The following MLLT1 variants were observed in gnomAD, a reference collection of about 807,000 sequenced individuals.
MLLT1 encodes MLLT1 super elongation complex subunit, also known as protein ENL.
Under a neutral mutation model 55.1 loss-of-function variants are expected in MLLT1, and 11 were observed. That is an observed-to-expected ratio of 0.20 (90% CI 0.13 to 0.33). The LOEUF (loss-of-function observed/expected upper bound fraction) is 0.33. Ranked by LOEUF, MLLT1 falls within the 10% of genes least tolerant of loss-of-function variation. MLLT1 has a pLI of 1.00. For synonymous variants in MLLT1, 323 were observed against 320.1 expected (o/e 1.01, Z -0.10); for missense variants, 536 against 760.6 (o/e 0.70, Z 3.47).
chr19:6,256,047 C>A lies in MLLT1; in HGVS notation c.276+6181G>T, dbSNP rs2091254548. On this transcript the variant is annotated intron_variant, in intron 3 of 11. Coordinates refer to ENST00000252674, the MANE Select transcript of MLLT1 (RefSeq NM_005934.4). The surrounding 1 kb of genome is among the most constrained non-coding windows in gnomAD (Gnocchi z 4.1). Reference sequence around the variant, plus strand: ...CCTGGCCAATGTGGTGAAACCCCATCTCTACTAAAAATGCAAAAAATTAGC... The same window carrying A: ...CCTGGCCAATGTGGTGAAACCCCATATCTACTAAAAATGCAAAAAATTAGC... 1.3e-5 allele frequency among the ~76,000 whole-genome samples: 2 copies of A among 152,100 alleles called. No homozygotes were observed. The highest frequency in any genetic ancestry group is 4.8e-5 in the African/African-American group (2 of 41,506).
In MLLT1 at chr19:6,211,371, G is replaced by C. The variant is rs971558421; in HGVS notation, c.*1671C>G. ...CCGGAGGCTTCCTCCGAAGGTTCTC[G>C]GGCCTTTCCCCGAGAGTTCTGGGGA... On this transcript the variant is annotated 3_prime_UTR_variant, in exon 12 of 12. Coordinates refer to ENST00000252674, the MANE Select transcript of MLLT1 (RefSeq NM_005934.4). The surrounding 1 kb of genome is among the most constrained non-coding windows in gnomAD (Gnocchi z 4.6). The C allele has an allele frequency of 8.5e-5, 20 of 234,666 alleles. No individual in the cohort carries two copies. Among genetic ancestry groups the C allele is most frequent in the Admixed American group, 7.3e-4 (13 of 17,778 alleles). The allele number at this position is 234,666 out of a possible 1,614,324, so 14.5% of individuals were successfully genotyped here.
chr19:6,236,712 G>T (rs369041991), intron 3 of MLLT1, among the ~76,000 whole-genome samples: 1 of 152,144 alleles, frequency 6.6e-6, no homozygotes, highest in Non-Finnish European at 1.5e-5. Context: ...CATCCCAGGG[G>T]GCTGCGGACC....
In MLLT1 at chr19:6,270,448, G is replaced by A. The variant is rs886320441; in HGVS notation, c.193+131C>T. 33 of 964,270 alleles carry A rather than the reference G, an allele frequency of 3.4e-5. No homozygotes were observed. Among genetic ancestry groups the A allele is most frequent in the African/African-American group, 2.0e-4 (12 of 60,156 alleles). The allele number at this position is 964,270 out of a possible 1,614,324, so 59.7% of individuals were successfully genotyped here. On this transcript the variant is annotated intron_variant, in intron 2 of 11. Transcript: ENST00000252674. This position sits in a 1 kb window ranked among gnomAD's most constrained non-coding sequence, Gnocchi z 7.1. Reference sequence around the variant, plus strand: ...GACACGGCTCCAGTGCCCCCACGCCGAGGGACGCAAGCTGGAACCTCATGG... The same window carrying A: ...GACACGGCTCCAGTGCCCCCACGCCAAGGGACGCAAGCTGGAACCTCATGG...
chr19:6,242,671 C>G (rs1226864770), intron 3 of MLLT1, among the ~76,000 whole-genome samples: 1 of 152,212 alleles, frequency 6.6e-6, no homozygotes, highest in Non-Finnish European at 1.5e-5. Context: ...GAGACTTAGA[C>G]TGAAGGAAGA....
intron 3 of MLLT1, among the ~76,000 whole-genome samples, chr19:6,251,123 A>G (rs1327671111): frequency 6.6e-6 from 1 of 152,188 alleles, no homozygotes; most frequent in Admixed American, 6.5e-5. Flanking sequence ...GCTTACTGGC[A>G]CAAGGTTTCC....
chr19:6,247,876 T>TTTG (rs1555707857), intron 3 of MLLT1, among the ~76,000 whole-genome samples: 1 of 147,346 alleles, frequency 6.8e-6, no homozygotes, highest in African/African-American at 2.6e-5. Flanking sequence ...CATTTTGGTG[T>TTTG]TTTGTTTGTT....
chr19:6,270,702 T>A lies in MLLT1; in HGVS notation c.70A>T (p.Thr24Ser). 6.2e-7 allele frequency: 1 copy of A among 1,614,004 alleles called. No individual in the cohort carries two copies. Among genetic ancestry groups the A allele is most frequent in the Non-Finnish European group, 8.5e-7 (1 of 1,179,948 alleles). Residue 24 changes from threonine (T) to serine (S), a missense_variant, in exon 2 of 12, where the codon ACC becomes TCC. Around this residue, in one of 3 missense-constraint regions of MLLT1, gnomAD observed 62 missense variants for 195.8 expected, o/e 0.32. Coordinates refer to ENST00000252674, the MANE Select transcript of MLLT1 (RefSeq NM_005934.4). The surrounding 1 kb of genome is among the most constrained non-coding windows in gnomAD (Gnocchi z 7.1). Reference sequence around the variant, plus strand: ...CAGTCGTGAGTGAACCCCTCCGTGGTGGGCTTCTTGCGCAGTTGGGCGCGA... The same window carrying A: ...CAGTCGTGAGTGAACCCCTCCGTGGAGGGCTTCTTGCGCAGTTGGGCGCGA... ...GHRAQLRKKPTTEGFTHDWMV... is the reference protein window; with the variant it reads ...GHRAQLRKKPSTEGFTHDWMV...
chr19:6,226,091 G>C lies in MLLT1; in HGVS notation c.546+886C>G, dbSNP rs1379266331. Among the ~76,000 whole-genome samples the C allele has an allele frequency of 6.6e-6, 1 of 152,222 alleles. No individual in the cohort carries two copies. The highest frequency in any genetic ancestry group is 1.5e-5 in the Non-Finnish European group (1 of 68,044). ...GCGGTTCTTCTCCCGCATGGCTGAC[G>C]GTGAGTCTGTGAGGCAGCTGGAGAG... On this transcript the variant is annotated intron_variant, in intron 5 of 11. Coordinates refer to ENST00000252674, the MANE Select transcript of MLLT1 (RefSeq NM_005934.4). This position sits in a 1 kb window ranked among gnomAD's most constrained non-coding sequence, Gnocchi z 6.3.
At chr19:6,228,790 G>A (rs1463979535) in intron 4 of MLLT1, among the ~76,000 whole-genome samples, 2 of 152,102 alleles carry the variant, frequency 1.3e-5, no homozygotes, top group African/African-American at 4.8e-5. Flanking sequence ...GGCAAGCCCT[G>A]GAGGCCTGGA....
chr19:6,221,887 C>T (rs563327841), intron 6 of MLLT1, among the ~76,000 whole-genome samples: 3 of 152,332 alleles, frequency 2.0e-5, no homozygotes, highest in African/African-American at 7.2e-5. Context: ...CCCACAAATG[C>T]CACCGAGGAG....
intron 3 of MLLT1, among the ~76,000 whole-genome samples, chr19:6,254,501 G>A (rs1409676404): frequency 6.6e-6 from 1 of 152,234 alleles, no homozygotes; most frequent in African/African-American, 2.4e-5. Flanking sequence ...TCTGAAGTGG[G>A]GGCTGTCCTG....
intron 3 of MLLT1, among the ~76,000 whole-genome samples, chr19:6,246,252 A>G (rs1286301607): frequency 6.6e-6 from 1 of 152,216 alleles, no homozygotes; most frequent in Non-Finnish European, 1.5e-5. Context: ...AAAGTTAAAT[A>G]GACCCATATC....
chr19:6,279,378 G>A (rs781296321), intron 1 of MLLT1, among the ~76,000 whole-genome samples: 3 of 152,070 alleles, frequency 2.0e-5, no homozygotes, highest in Non-Finnish European at 4.4e-5. Flanking sequence ...GGAAGTGCCT[G>A]GAAGGAGCTC....
At chr19:6,242,435 C>T (rs573461046) in intron 3 of MLLT1, among the ~76,000 whole-genome samples, 4 of 152,312 alleles carry the variant, frequency 2.6e-5, no homozygotes, top group South Asian at 4.1e-4. Context: ...CGGACATCTG[C>T]GTGTGGGAGG....
At chr19:6,244,052 A>C (rs2091142940) in intron 3 of MLLT1, among the ~76,000 whole-genome samples, 1 of 151,256 alleles carries the variant, frequency 6.6e-6, no homozygotes, top group African/African-American at 2.4e-5. Context: ...TCAAAAAAAA[A>C]AAAAAAAAAA....
intron 3 of MLLT1, among the ~76,000 whole-genome samples, chr19:6,258,569 T>C (rs2091277564): frequency 6.6e-6 from 1 of 152,258 alleles, no homozygotes; most frequent in Admixed American, 6.5e-5. Context: ...GTGATTTTTC[T>C]GTAAAAGGAC....
intron 3 of MLLT1, among the ~76,000 whole-genome samples, chr19:6,245,677 C>T (rs1408881384): frequency 2.0e-5 from 3 of 152,088 alleles, no homozygotes; most frequent in Non-Finnish European, 4.4e-5. Flanking sequence ...TGCCACTGCA[C>T]TCCAGCCTCG....
In MLLT1 at chr19:6,229,377, T is replaced by A. The variant is rs2090984294; in HGVS notation, c.420+1193A>T. 6.6e-6 allele frequency among the ~76,000 whole-genome samples: 1 copy of A among 151,790 alleles called. No homozygotes were observed. The highest frequency in any genetic ancestry group is 1.5e-5 in the Non-Finnish European group (1 of 67,948). Reference sequence around the variant, plus strand: ...TACATGGACAGACGCCTCCTTCTTCTTAGGAGAACGACGGCCACCAAGGAC... The same window carrying A: ...TACATGGACAGACGCCTCCTTCTTCATAGGAGAACGACGGCCACCAAGGAC... On this transcript the variant is annotated intron_variant, in intron 4 of 11. Coordinates refer to ENST00000252674, the MANE Select transcript of MLLT1 (RefSeq NM_005934.4). The surrounding 1 kb of genome is among the most constrained non-coding windows in gnomAD (Gnocchi z 5.2).
rs902049790 is a variant in MLLT1, at chr19:6,212,061, C to T, written c.*981G>A. 45 of 1,065,966 alleles carry T rather than the reference C, an allele frequency of 4.2e-5. No homozygotes were observed. The highest frequency in any genetic ancestry group is 1.6e-4 in the Admixed American group (3 of 18,748). The allele number at this position is 1,065,966 out of a possible 1,614,324, so 66.0% of individuals were successfully genotyped here. On this transcript the variant is annotated 3_prime_UTR_variant, in exon 12 of 12. Transcript: ENST00000252674. ...TATCCCGTCTTATTTGGCAAAAGCT[C>T]ATATTTTTTTCAAAGTTTGAAGACT...
Sources: gnomAD v4.1 joint callset for allele counts (sites outside exome capture counted in the v4.1 genomes callset) on GRCh38, gnomAD v4.1.1 for gene constraint, gnomAD v4.1.1 regional missense constraint, Gnocchi (gnomAD v3.1) non-coding constraint, MANE v1.5 for transcripts, NCBI Gene and HGNC (gene_info 2026-07-23, HGNC 2026-07-21) for gene names.